Variants in VWF observed in about 807,000 individuals in gnomAD.
VWF encodes von Willebrand factor.
VWF carries 176 observed loss-of-function variants against 308.6 expected under a neutral mutation model. The ratio of observed to expected loss-of-function variants is 0.57; its 90% CI spans 0.50 to 0.65. The LOEUF is 0.65. Ranked by LOEUF, VWF falls within the 30% of genes least tolerant of loss-of-function variation. The pLI is 0.00. For synonymous variants in VWF, 1,385 were observed against 1,443.4 expected, an observed-to-expected ratio of 0.96 and a Z score of 0.92; for missense variants, 3,146 against 3,648.2, an observed-to-expected ratio of 0.86 and a Z score of 3.55.
intron 5 of VWF, among the ~76,000 whole-genome samples, chr12:6,103,507 T>C (rs1945205238): frequency 7.2e-6 from 1 of 139,362 alleles, no homozygotes. Flanking sequence ...CACACACGTA[T>C]ATATATACAC....
chr12:6,072,246 C>T lies in VWF; in HGVS notation c.1109+85G>A, dbSNP rs900649792. On this transcript the variant is annotated intron_variant, in intron 9 of 51. Transcript: ENST00000261405. ...TCTTGGCACGGTCCAGGTTCTTTTC[C>T]ACCTGCCACCACCCCTGCTGACCCA... 1.2e-5 allele frequency: 15 copies of T among 1,291,280 alleles called. No homozygotes were observed. The African/African-American group carries it at 2.0e-4, about 18-fold the overall frequency. The allele number at this position is 1,291,280 out of a possible 1,614,324, so 80.0% of individuals were successfully genotyped here.
intron 42 of VWF, among the ~76,000 whole-genome samples, chr12:5,976,952 T>A (rs986408064): frequency 1.3e-5 from 2 of 152,222 alleles, no homozygotes; most frequent in African/African-American, 2.4e-5. Context: ...CGGGACTTAA[T>A]GACAGTTTTG....
chr12:5,994,163 C>T lies in VWF; in HGVS notation c.6297G>A (p.Arg2099=). 6.2e-7 allele frequency: 1 copy of T among 1,614,148 alleles called. No individual in the cohort carries two copies. The highest frequency in any genetic ancestry group is 2.2e-5 in the East Asian group (1 of 44,880). The change falls in exon 37 of 52, where the codon AGG becomes AGA. Residue 2099 remains arginine (R), a synonymous_variant. Transcript: ENST00000261405. ...TCCAGTCTGTGGTGACTGTGCCATCCCTCAGCATGAAGTCATTGGCTCCGT... is the reference window on the plus strand; with the variant it reads ...TCCAGTCTGTGGTGACTGTGCCATCTCTCAGCATGAAGTCATTGGCTCCGT... ...DENGANDFML[R]DGTVTTDWKT... is the part of the protein sequence containing the mutation.
chr12:6,003,507 C>T (rs1943894072), intron 34 of VWF, among the ~76,000 whole-genome samples: 1 of 146,234 alleles, frequency 6.8e-6, no homozygotes, highest in South Asian at 2.1e-4. Context: ...TAAAATGTTT[C>T]ACTACAAAAA....
In VWF at chr12:6,060,614, A is replaced by G. The variant is rs1414113475; in HGVS notation, c.1533+2340T>C. ...AGAAAAAGAAAAAAGAAAAATATAT[A>G]TAAAAAGACAGTTCTATAGGCCATG... On this transcript the variant is annotated intron_variant, in intron 13 of 51. Coordinates refer to ENST00000261405, the MANE Select transcript of VWF (RefSeq NM_000552.5). This position sits in a 1 kb window ranked among gnomAD's most constrained non-coding sequence, Gnocchi z 5.1. 6.6e-6 allele frequency among the ~76,000 whole-genome samples: 1 copy of G among 152,228 alleles called. No homozygotes were observed. Among genetic ancestry groups the G allele is most frequent in the Non-Finnish European group, 1.5e-5 (1 of 68,046 alleles).
chr12:6,074,145 C>T (rs1944813341), intron 7 of VWF, among the ~76,000 whole-genome samples: 1 of 152,112 alleles, frequency 6.6e-6, no homozygotes, highest in Non-Finnish European at 1.5e-5. Flanking sequence ...ATCCCTCCTC[C>T]TTTTCCCCAT....
At chr12:6,081,529 G>T (rs1277960409) in intron 6 of VWF, among the ~76,000 whole-genome samples, 1 of 152,066 alleles carries the variant, frequency 6.6e-6, no homozygotes, top group African/African-American at 2.4e-5. Flanking sequence ...TAGTACAGAC[G>T]GAGTTTCACC....
At chr12:5,964,222 A>ACATACATACATACATACATACATG (rs1555189774) in intron 47 of VWF, among the ~76,000 whole-genome samples, 20 of 116,670 alleles carry the variant, frequency 1.7e-4, no homozygotes, top group South Asian at 2.7e-4. Context: ...GTCTAAAAAT[A>ACATACATACATACATACATACATG]CATACATACA....
intron 47 of VWF, among the ~76,000 whole-genome samples, chr12:5,960,706 C>T (rs1943304482): frequency 6.6e-6 from 1 of 152,104 alleles, no homozygotes; most frequent in African/African-American, 2.4e-5. Flanking sequence ...CATGCAATTC[C>T]TCATGTTAAC....
Position 6,060,891 on chromosome 12 carries a change from G to A in VWF, c.1533+2063C>T, listed in dbSNP as rs1052498879. On this transcript the variant is annotated intron_variant, in intron 13 of 51. Transcript: ENST00000261405. The surrounding 1 kb of genome is among the most constrained non-coding windows in gnomAD (Gnocchi z 5.1). ...GTGGAGAGCACCCTCTCTGTGAGGT[G>A]GGAAGATGCTGAGAAAGTGGACTGG... 2.0e-5 allele frequency among the ~76,000 whole-genome samples: 3 copies of A among 152,136 alleles called. No homozygotes were observed. The highest frequency in any genetic ancestry group is 4.4e-5 in the Non-Finnish European group (3 of 68,028).
Position 5,994,603 on chromosome 12 carries a change from G to A in VWF, c.6068C>T (p.Thr2023Met), listed in dbSNP as rs761576269. 2.5e-5 allele frequency: 41 copies of A among 1,613,706 alleles called. No individual in the cohort carries two copies. Among genetic ancestry groups the A allele is most frequent in the East Asian group, 1.3e-4 (6 of 44,898 alleles). ...SVELHSDMEV[T>M]VNGRLVSVPY... ...AACAGAGACCAGTCTCCCATTCACC[G>A]TCACCTGCACAAAGAAGAAAGAGCT... Residue 2023 changes from threonine to methionine, a missense_variant, in exon 36 of 52, where the codon ACG (threonine) becomes ATG (methionine). Around this residue, in one of 3 missense-constraint regions of VWF, gnomAD observed 989 missense variants for 1,117.4 expected, o/e 0.89. Coordinates refer to ENST00000261405, the MANE Select transcript of VWF (RefSeq NM_000552.5).
rs1301699533 is a variant in VWF, at chr12:6,017,015, C to T, written c.5054-145G>A. ...GGGGCGGGGGGTGCCTTCGTGAGTA[C>T]AAGGGCAATGTGGGCCAGGGAGGAG... On this transcript the variant is annotated intron_variant, in intron 28 of 51. Coordinates refer to ENST00000261405, the MANE Select transcript of VWF (RefSeq NM_000552.5). 4 of 843,482 alleles carry T rather than the reference C, an allele frequency of 4.7e-6. No homozygotes were observed. In the African/African-American group the frequency reaches 6.6e-5, roughly 14 times the overall value. 52.2% of individuals were successfully genotyped at this position (843,482 alleles called of 1,614,324 possible). A position where few individuals can be genotyped will look rare whatever the true frequency, so the allele number is the denominator to read the frequency against.
chr12:5,961,994 G>T (rs1227796210), intron 47 of VWF, among the ~76,000 whole-genome samples: 3 of 151,982 alleles, frequency 2.0e-5, no homozygotes, highest in Non-Finnish European at 4.4e-5. Context: ...GAATGCCCTA[G>T]TGCCTTTTGC....
At position 6,000,728 on chromosome 12, in the gene VWF, C is replaced by T. The variant is rs867959356; in HGVS notation, c.5843-4506G>A. Among the ~76,000 whole-genome samples, 190 of 142,062 alleles carry T rather than the reference C, an allele frequency of 1.3e-3. 2 individuals are homozygous for T. The highest frequency in any genetic ancestry group is 4.5e-3 in the African/African-American group (174 of 38,404). 93.2% of individuals were successfully genotyped at this position (142,062 alleles called of 152,430 possible). A position where few individuals can be genotyped will look rare whatever the true frequency, so the allele number is the denominator to read the frequency against. On this transcript the variant is annotated intron_variant, in intron 34 of 51. Coordinates refer to ENST00000261405, the MANE Select transcript of VWF (RefSeq NM_000552.5). ...TCGGGAGGCTGAGGCAGGAGAATGG[C>T]GTGAACCTGGGAGGCGGAGCTTGCA... is the stretch of plus-strand genomic sequence containing the variant.
intron 40 of VWF, among the ~76,000 whole-genome samples, chr12:5,983,722 T>C (rs1943639229): frequency 6.6e-6 from 1 of 151,502 alleles, no homozygotes; most frequent in African/African-American, 2.4e-5. Flanking sequence ...TATAAATAGA[T>C]ACACAGGTTA....
chr12:6,099,367 T>C (rs1798407981), intron 5 of VWF, among the ~76,000 whole-genome samples: 2 of 147,710 alleles, frequency 1.4e-5, no homozygotes, highest in Admixed American at 1.3e-4. Flanking sequence ...TTTGTTAACC[T>C]AGTCTAAGTT....
chr12:5,988,335 C>T (rs1417546253), intron 38 of VWF, among the ~76,000 whole-genome samples: 1 of 152,130 alleles, frequency 6.6e-6, no homozygotes, highest in Admixed American at 6.5e-5. Flanking sequence ...AAAGACACAG[C>T]GGCTGCCACT....
intron 20 of VWF, among the ~76,000 whole-genome samples, chr12:6,033,726 G>C (rs980535580): frequency 6.6e-6 from 1 of 152,010 alleles, no homozygotes; most frequent in African/African-American, 2.4e-5. Context: ...TGTTGGCTCC[G>C]CCCCATGCCC....
chr12:6,002,788 T>C (rs1411198499), intron 34 of VWF, among the ~76,000 whole-genome samples: 5 of 152,046 alleles, frequency 3.3e-5, no homozygotes, highest in Admixed American at 1.3e-4. Flanking sequence ...TCCAGAGTAC[T>C]GAAAAGGAGA....
Sources: gnomAD v4.1 joint callset for allele counts (sites outside exome capture counted in the v4.1 genomes callset) on GRCh38, gnomAD v4.1.1 for gene constraint, gnomAD v4.1.1 regional missense constraint, Gnocchi (gnomAD v3.1) non-coding constraint, MANE v1.5 for transcripts, NCBI Gene and HGNC (gene_info 2026-07-23, HGNC 2026-07-21) for gene names.